HDAC4: variants seen among roughly 807,000 people sequenced by gnomAD.
HDAC4 encodes histone deacetylase A.
HDAC4 carries 16 observed loss-of-function variants against 135.1 expected under a neutral mutation model. That is an observed-to-expected ratio of 0.12 (90% confidence interval 0.08 to 0.18). The LOEUF is 0.18. Among genes scored for constraint, HDAC4 ranks in the 10% least tolerant of loss-of-function variants. The probability of loss-of-function intolerance (pLI) is 1.00; values close to 1 mark genes in which losing one functional copy is unlikely to be tolerated. For synonymous variants in HDAC4, 685 were observed against 653.4 expected, an observed-to-expected ratio of 1.05 and a Z score of -0.74; for missense variants, 1,143 against 1,511.8, an observed-to-expected ratio of 0.76 and a Z score of 4.05.
intron 1 of HDAC4, among the ~76,000 whole-genome samples, chr2:239,366,401 G>T (rs1001700546): frequency 3.3e-5 from 5 of 152,244 alleles, no homozygotes; most frequent in Admixed American, 1.3e-4. Context: ...CGTCAGCACT[G>T]AACTTTCTCC....
chr2:239,318,489 G>A (rs2053194426), intron 2 of HDAC4, among the ~76,000 whole-genome samples: 1 of 152,154 alleles, frequency 6.6e-6, no homozygotes, highest in Admixed American at 6.5e-5. Flanking sequence ...ATCTGCTGTT[G>A]ATAACGAGAC....
At chr2:239,280,158 A>T (rs757275859) in intron 2 of HDAC4, among the ~76,000 whole-genome samples, 2 of 151,830 alleles carry the variant, frequency 1.3e-5, no homozygotes, top group Non-Finnish European at 2.9e-5. Context: ...CAACCCTGAA[A>T]AACATGTTGG....
chr2:239,192,034 A>G (rs1424595388), intron 3 of HDAC4, among the ~76,000 whole-genome samples: 2 of 152,204 alleles, frequency 1.3e-5, no homozygotes, highest in Non-Finnish European at 2.9e-5. Context: ...AACTTTTAAA[A>G]TGCATGTATT....
At chr2:239,268,273 G>A (rs1575571093) in intron 2 of HDAC4, among the ~76,000 whole-genome samples, 1 of 143,736 alleles carries the variant, frequency 7.0e-6, no homozygotes, top group Non-Finnish European at 1.6e-5. Flanking sequence ...CGGTGGCCCT[G>A]GCGGGCCAGG....
intron 3 of HDAC4, among the ~76,000 whole-genome samples, chr2:239,225,072 G>C (rs766807523): frequency 1.2e-4 from 18 of 152,176 alleles, no homozygotes; most frequent in African/African-American, 4.3e-4. Flanking sequence ...AGATGACTTG[G>C]AAAATTCAGA....
chr2:239,230,629 A>G (rs1288290430), intron 3 of HDAC4, among the ~76,000 whole-genome samples: 1 of 152,224 alleles, frequency 6.6e-6, no homozygotes, highest in Non-Finnish European at 1.5e-5. Context: ...AGGAACCACC[A>G]GAGATGGCCG....
chr2:239,189,711 T>G, intron 4 of HDAC4, 122 bp downstream of exon 4: 1 of 912,894 alleles, frequency 1.1e-6, no homozygotes, highest in East Asian at 2.6e-5. Context: ...GCAGAAGGCC[T>G]CCTGCAGGAA....
At chr2:239,138,893 G>A (rs1373211447) in intron 9 of HDAC4, among the ~76,000 whole-genome samples, 1 of 152,222 alleles carries the variant, frequency 6.6e-6, no homozygotes. Context: ...AAGCCTCCGA[G>A]TATGGTCAGT....
intron 4 of HDAC4, among the ~76,000 whole-genome samples, chr2:239,177,706 T>A (rs954584540): frequency 6.6e-6 from 1 of 152,238 alleles, no homozygotes; most frequent in Non-Finnish European, 1.5e-5. Flanking sequence ...GCAGTATTTA[T>A]GACATACAAA....
At chr2:239,193,042 C>T (rs1329372755) in intron 3 of HDAC4, among the ~76,000 whole-genome samples, 1 of 152,198 alleles carries the variant, frequency 6.6e-6, no homozygotes, top group Non-Finnish European at 1.5e-5. Flanking sequence ...CAAATAAGCA[C>T]AGGGAATAAG....
At chr2:239,271,874 C>T (rs1381174543) in intron 2 of HDAC4, among the ~76,000 whole-genome samples, 3 of 152,186 alleles carry the variant, frequency 2.0e-5, no homozygotes, top group Non-Finnish European at 2.9e-5. Context: ...ACTTGTGTTT[C>T]GAGTGGGGGA....
intron 13 of HDAC4, among the ~76,000 whole-genome samples, chr2:239,112,367 A>T (rs1449723869): frequency 1.3e-5 from 2 of 152,212 alleles, no homozygotes; most frequent in Non-Finnish European, 2.9e-5. Flanking sequence ...CTCAGACTTG[A>T]AAGTGCCAAC....
chr2:239,205,412 G>A (rs1053298630), intron 3 of HDAC4, among the ~76,000 whole-genome samples: 1 of 152,126 alleles, frequency 6.6e-6, no homozygotes, highest in Non-Finnish European at 1.5e-5. Context: ...GGACCAGTGA[G>A]CCTCTGAGAA....
rs1481654499 is a variant in HDAC4, at chr2:239,167,918, T to C, written c.491-3995A>G. 9.0e-6 allele frequency among the ~76,000 whole-genome samples: 1 copy of C among 110,824 alleles called. No homozygotes were observed. Among genetic ancestry groups the C allele is most frequent in the Non-Finnish European group, 1.7e-5 (1 of 59,934 alleles). The allele number at this position is 110,824 out of a possible 152,430, so 72.7% of individuals were successfully genotyped here. The stretch of plus-strand genomic sequence containing the variant: ...ACCTAAGGAATGAGCGAGCAACAGC[T>C]GAGCGGGGCAGAGAGAGGAGGACAG... On this transcript the variant is annotated intron_variant, in intron 5 of 26. Transcript: ENST00000543185. The surrounding 1 kb of genome is among the most constrained non-coding windows in gnomAD (Gnocchi z 4.1).
chr2:239,285,363 T>C lies in HDAC4; in HGVS notation c.23-48699A>G, dbSNP rs2051079242. ...CAGCGTGGCCAGAATGCTGAGCCGG[T>C]GCTCTTCCCTGGCATCCTGCACTTC... On this transcript the variant is annotated intron_variant, in intron 2 of 26. Coordinates refer to ENST00000543185, the MANE Select transcript of HDAC4 (RefSeq NM_001378414.1). The surrounding 1 kb of genome is among the most constrained non-coding windows in gnomAD (Gnocchi z 4.5). Among the ~76,000 whole-genome samples, 3 of 152,128 alleles carry C rather than the reference T, an allele frequency of 2.0e-5. No homozygotes were observed. The South Asian group carries it at 6.2e-4, about 32-fold the overall frequency.
chr2:239,096,340 A>C (rs1467354096), intron 16 of HDAC4, among the ~76,000 whole-genome samples: 1 of 135,166 alleles, frequency 7.4e-6, no homozygotes, highest in Non-Finnish European at 1.6e-5. Flanking sequence ...CCCCCTACGG[A>C]CGCCCACACC....
intron 12 of HDAC4, among the ~76,000 whole-genome samples, chr2:239,124,651 TTA>T (rs1437473509): frequency 2.0e-5 from 3 of 150,782 alleles, no homozygotes; most frequent in Non-Finnish European, 4.4e-5. Context: ...TCATTCCACG[TTA>T]TATGACATTC....
In HDAC4 at chr2:239,068,343, G is replaced by C. The variant is rs115988705; in HGVS notation, c.2869+146C>G. ...CTCTCTGGGGCCTCCCAAATGGACT[G>C]GTTCCCAGTACGGTCAGAACCTTGG... On this transcript the variant is annotated intron_variant, in intron 23 of 26. Coordinates refer to ENST00000543185, the MANE Select transcript of HDAC4 (RefSeq NM_001378414.1). The surrounding 1 kb of genome is among the most constrained non-coding windows in gnomAD (Gnocchi z 4.4). The C allele has an allele frequency of 5.4e-3, 3,546 of 651,346 alleles. 104 individuals carry two copies. The African/African-American group carries it at 0.057, about 10-fold the overall frequency. The allele number at this position is 651,346 out of a possible 1,614,324, so 40.3% of individuals were successfully genotyped here.
chr2:239,055,648 C>T (rs189362982), intron 24 of HDAC4, among the ~76,000 whole-genome samples: 153 of 147,788 alleles, frequency 1.0e-3, no homozygotes, highest in Non-Finnish European at 1.9e-3. Context: ...ATCCAGGAGG[C>T]GGAGGCTGTA....
Sources: gnomAD v4.1 joint callset for allele counts (sites outside exome capture counted in the v4.1 genomes callset) on GRCh38, gnomAD v4.1.1 for gene constraint, Gnocchi (gnomAD v3.1) non-coding constraint, MANE v1.5 for transcripts, NCBI Gene and HGNC (gene_info 2026-07-23, HGNC 2026-07-21) for gene names.